The following ADGRE5 variants were observed in gnomAD, a reference collection of about 807,000 sequenced individuals.
ADGRE5 encodes adhesion G protein-coupled receptor E5, also known as CD97 molecule.
A neutral mutation model predicts 100.3 loss-of-function variants in ADGRE5; 72 were observed. The observed-to-expected ratio is 0.72, with a 90% CI of 0.59 to 0.87. The LOEUF is 0.87. Among genes scored for constraint, ADGRE5 ranks in the 40% least tolerant of loss-of-function variants. The pLI is 0.00. For missense variants in ADGRE5, 959 were observed against 1,094.7 expected (o/e 0.88, Z 1.75); for synonymous variants, 439 against 447.8 (o/e 0.98, Z 0.25).
rs369212430 is a variant in ADGRE5, at chr19:14,402,578, G to A, written c.1184-19G>A. ...GAGGAGGACAACGGGAGTAGGCAGC[G>A]AGTGTGTCTGTTCCCCAGGCCCCGC... is the stretch of plus-strand genomic sequence containing the variant. On this transcript the variant is annotated intron_variant, in intron 11 of 19. Coordinates refer to ENST00000242786, the MANE Select transcript of ADGRE5 (RefSeq NM_078481.4). 6.2e-6 allele frequency: 10 copies of A among 1,613,340 alleles called. No individual in the cohort carries two copies. The African/African-American group carries it at 8.0e-5, about 13-fold the overall frequency.
intron 9 of ADGRE5, among the ~76,000 whole-genome samples, chr19:14,398,674 CA>C (rs71164256): frequency 4.7e-3 from 247 of 53,080 alleles, no homozygotes; most frequent in Middle Eastern, 0.016. Context: ...GACTCTGTCT[CA>C]AAAAAAAAAA....
intron 4 of ADGRE5, among the ~76,000 whole-genome samples, chr19:14,394,946 A>G (rs75335664): frequency 0.016 from 2,396 of 152,236 alleles, 62 homozygotes; most frequent in African/African-American, 0.053. Flanking sequence ...CGCACCGTCA[A>G]TGACCAAAGC....
At chr19:14,402,913 C>T (rs1406379293) in intron 12 of ADGRE5, 51 bp downstream of exon 12, 1 of 1,575,586 alleles carries the variant, frequency 6.3e-7, no homozygotes, top group Admixed American at 1.7e-5. Flanking sequence ...GGCCTTCGCA[C>T]ATGCTGGGCC....
intron 4 of ADGRE5, among the ~76,000 whole-genome samples, chr19:14,392,714 C>A (rs1568310965): frequency 6.6e-6 from 1 of 151,728 alleles, no homozygotes; most frequent in Non-Finnish European, 1.5e-5. Context: ...ACCAGCCTGG[C>A]CAACATGGCG....
rs201139435 is a variant in ADGRE5, at chr19:14,388,538, C to A, written c.73+38C>A. The A allele has an allele frequency of 2.9e-3, 4,455 of 1,560,476 alleles. 91 individuals carry two copies. In the African/African-American group the frequency reaches 0.056, roughly 19 times the overall value. ...GGAAGCAGAAAGCACAGTCCACAGC[C>A]AGAGCCTGGGGAGGGTCCTGGACCC... On this transcript the variant is annotated intron_variant, in intron 2 of 19. Coordinates refer to ENST00000242786, the MANE Select transcript of ADGRE5 (RefSeq NM_078481.4).
At chr19:14,389,175 G>A (rs1599613157) in intron 3 of ADGRE5, among the ~76,000 whole-genome samples, 1 of 102,330 alleles carries the variant, frequency 9.8e-6, no homozygotes, top group East Asian at 2.6e-4. Context: ...AAGAGGGAGA[G>A]GGGGAGAGGA....
intron 3 of ADGRE5, among the ~76,000 whole-genome samples, chr19:14,389,885 A>G (rs1421525111): frequency 6.6e-6 from 1 of 151,898 alleles, no homozygotes; most frequent in East Asian, 1.9e-4. Flanking sequence ...CCTGACCAAC[A>G]TGGAGAAACC....
Position 14,406,960 on chromosome 19 carries a change from G to C in ADGRE5, c.2207G>C (p.Arg736Thr). The stretch of plus-strand genomic sequence containing the variant: ...GACATGAAGAAATTAAAGAAGGCGA[G>C]GTGAGAGGAGAGGCTGGAAGGACTT... ...NPDMKKLKKARALTITAIAQL... is the reference protein window; with the variant it reads ...NPDMKKLKKATALTITAIAQL... The change falls in exon 17 of 20, where the codon AGG becomes ACG. Residue 736 changes from arginine to threonine, a missense_variant and splice_region_variant. Coordinates refer to ENST00000242786, the MANE Select transcript of ADGRE5 (RefSeq NM_078481.4). This position sits in a 1 kb window ranked among gnomAD's most constrained non-coding sequence, Gnocchi z 6.0. The C allele has an allele frequency of 3.1e-6, 5 of 1,614,104 alleles. 1 individual carries two copies. Among genetic ancestry groups the C allele is most frequent in the Non-Finnish European group, 4.2e-6 (5 of 1,179,932 alleles).
At position 14,408,222 on chromosome 19, in the gene ADGRE5, C is replaced by A; in HGVS notation, c.*101C>A. The A allele has an allele frequency of 1.6e-6, 2 of 1,290,084 alleles. No homozygotes were observed. The highest frequency in any genetic ancestry group is 3.9e-5 in the Admixed American group (2 of 51,760). The allele number at this position is 1,290,084 out of a possible 1,614,324, so 79.9% of individuals were successfully genotyped here. Reference sequence around the variant, plus strand: ...TTCGTCCACCACTCTACTCCCTCCACCCTCCCTCCCTGATCCCGTGTGCCA... The same window carrying A: ...TTCGTCCACCACTCTACTCCCTCCAACCTCCCTCCCTGATCCCGTGTGCCA... On this transcript the variant is annotated 3_prime_UTR_variant, in exon 20 of 20. Transcript: ENST00000242786.
At chr19:14,381,587 C>A (rs1397042023) in intron 1 of ADGRE5, 42 bp downstream of exon 1, 7 of 1,585,870 alleles carry the variant, frequency 4.4e-6, no homozygotes, top group Non-Finnish European at 5.1e-6. Flanking sequence ...GAGGAAGCTC[C>A]AGCGGGACCC....
Position 14,406,049 on chromosome 19 carries a change from AGGCCCCGCCCCTGTCCGGGATCT to A in ADGRE5, c.1821+121_1821+143del, listed in dbSNP as rs558218071. The A allele has an allele frequency of 1.4e-4, 134 of 961,012 alleles. 2 individuals carry two copies. Among genetic ancestry groups the A allele is most frequent in the Middle Eastern group, 1.3e-3 (4 of 3,018 alleles). The allele number at this position is 961,012 out of a possible 1,614,324, so 59.5% of individuals were successfully genotyped here. A position where few individuals can be genotyped will look rare whatever the true frequency, so the allele number is the denominator to read the frequency against. On this transcript the variant is annotated intron_variant, in intron 14 of 19. Transcript: ENST00000242786. The surrounding 1 kb of genome is among the most constrained non-coding windows in gnomAD (Gnocchi z 6.0). ...CGGGTAGGCGGGCCCTGGAGGCATG[AGGCCCCGCCCCTGTCCGGGATCT>A]GGCCCCGCCCACCGGGGGGTCGGGT...
At chr19:14,386,741 C>T (rs1456121083) in intron 1 of ADGRE5, among the ~76,000 whole-genome samples, 3 of 144,262 alleles carry the variant, frequency 2.1e-5, no homozygotes, top group Non-Finnish European at 4.5e-5. Context: ...AGGCTGGGCA[C>T]GGTGGCTCAC....
At chr19:14,388,319 C>A (rs988903021) in intron 1 of ADGRE5, 131 bp from the exon 2 acceptor site, 1 of 1,497,470 alleles carries the variant, frequency 6.7e-7, no homozygotes, top group African/African-American at 1.4e-5. Context: ...ATGACATCTG[C>A]TCACTCTGAA....
chr19:14,384,555 C>T (rs1975264605), intron 1 of ADGRE5, among the ~76,000 whole-genome samples: 2 of 152,178 alleles, frequency 1.3e-5, no homozygotes, highest in African/African-American at 4.8e-5. Context: ...CCCAGATCGG[C>T]AGGGACTGGA....
intron 4 of ADGRE5, among the ~76,000 whole-genome samples, chr19:14,392,162 A>G (rs1309532126): frequency 6.6e-6 from 1 of 151,240 alleles, no homozygotes; most frequent in Non-Finnish European, 1.5e-5. Context: ...TAATCCCAAC[A>G]CTTTGGGAGG....
chr19:14,395,319 AC>A (rs1169574216), intron 4 of ADGRE5, among the ~76,000 whole-genome samples: 3,185 of 138,676 alleles, frequency 0.023, 93 homozygotes, highest in African/African-American at 0.085. Flanking sequence ...AAAAAAAAAA[AC>A]AAAAACGCAC....
At chr19:14,382,239 C>T (rs1024207606) in intron 1 of ADGRE5, among the ~76,000 whole-genome samples, 5 of 152,174 alleles carry the variant, frequency 3.3e-5, no homozygotes, top group Non-Finnish European at 7.3e-5. Flanking sequence ...CCAGAACTTC[C>T]TGGACCACAG....
intron 4 of ADGRE5, 152 bp from the exon 5 acceptor site, chr19:14,396,190 A>G (rs1255763026): frequency 3.5e-6 from 5 of 1,420,960 alleles, no homozygotes; most frequent in Non-Finnish European, 4.8e-6. Flanking sequence ...CTGAGCCACC[A>G]CCCTCACCAT....
rs1975810433 is a variant in ADGRE5 at position 14,397,165 on chromosome 19, C to G, written c.567C>G (p.Arg189=). The change falls in exon 6 of 20, where the codon CGC becomes CGG. Residue 189 remains arginine (R), a synonymous_variant. Transcript: ENST00000242786. ...TGGGCAGCTATCAGTGCCGCTGCCG[C>G]CCGGGCTGGCAACCGATTCCGGGGT... The part of the protein sequence containing the change: ...NNVGSYQCRC[R]PGWQPIPGSP... The G allele has an allele frequency of 1.2e-6, 2 of 1,614,162 alleles. No individual in the cohort carries two copies. The highest frequency in any genetic ancestry group is 8.5e-7 in the Non-Finnish European group (1 of 1,180,036).
Sources: allele counts gnomAD v4.1 joint callset (sites outside exome capture counted in the v4.1 genomes callset), GRCh38; gene constraint gnomAD v4.1.1; non-coding constraint Gnocchi (gnomAD v3.1); transcripts MANE v1.5; gene names NCBI Gene and HGNC (gene_info 2026-07-23, HGNC 2026-07-21).